The following KCNIP1 variants were observed in gnomAD, a reference collection of about 807,000 sequenced individuals.
The protein encoded by KCNIP1 is A-type potassium channel modulatory protein KCNIP1.
A neutral mutation model predicts 33.0 loss-of-function variants in KCNIP1; 18 were observed. That is an observed-to-expected ratio of 0.55 (90% confidence interval 0.38 to 0.81). KCNIP1 has a LOEUF of 0.81. Among genes scored for constraint, KCNIP1 ranks in the 30% least tolerant of loss-of-function variants. The pLI is 0.00. For synonymous variants in KCNIP1, 93 were observed against 98.3 expected (o/e 0.95, Z 0.32); for missense variants, 238 against 271.6 (o/e 0.88, Z 0.87).
chr5:170,535,852 C>T (rs1466001831), intron 1 of KCNIP1, among the ~76,000 whole-genome samples: 2 of 152,232 alleles, frequency 1.3e-5, no homozygotes, highest in Non-Finnish European at 2.9e-5. Flanking sequence ...TCTCCAAGAT[C>T]TGCAGCTCGG....
intron 1 of KCNIP1, among the ~76,000 whole-genome samples, chr5:170,572,679 T>C (rs1003822516): frequency 1.3e-5 from 2 of 152,228 alleles, no homozygotes; most frequent in African/African-American, 4.8e-5. Context: ...GAAATATTCA[T>C]TTCAGGACTC....
At chr5:170,733,782 C>T in intron 6 of KCNIP1, 54 bp from the exon 7 acceptor site, 1 of 1,440,432 alleles carries the variant, frequency 6.9e-7, no homozygotes, top group Non-Finnish European at 9.8e-7. Context: ...GGGGAGTAAG[C>T]TTTGGAATGG....
intron 1 of KCNIP1, among the ~76,000 whole-genome samples, chr5:170,457,388 A>T (rs1248990495): frequency 6.6e-6 from 1 of 152,222 alleles, no homozygotes; most frequent in Non-Finnish European, 1.5e-5. Flanking sequence ...TGCAGGAATA[A>T]ATTAGGAGAG....
intron 1 of KCNIP1, among the ~76,000 whole-genome samples, chr5:170,474,257 T>C (rs1404359682): frequency 6.6e-6 from 1 of 152,108 alleles, no homozygotes; most frequent in African/African-American, 2.4e-5. Flanking sequence ...TTCCTCCCCT[T>C]ACCCTCCAAG....
chr5:170,661,702 CTGCAATTCAACATAAAATCA>C (rs1761496672), intron 1 of KCNIP1, among the ~76,000 whole-genome samples: 1 of 152,244 alleles, frequency 6.6e-6, no homozygotes. Flanking sequence ...CTTTTCATCG[CTGCAATTCAACATAAAATCA>C]TATCATTCAC....
intron 1 of KCNIP1, among the ~76,000 whole-genome samples, chr5:170,367,678 C>A (rs1763731055): frequency 6.6e-6 from 1 of 152,196 alleles, no homozygotes; most frequent in Non-Finnish European, 1.5e-5. Context: ...TTGTTCTTTC[C>A]ATCTGTCACT....
At chr5:170,415,797 G>T (rs1299084279) in intron 1 of KCNIP1, among the ~76,000 whole-genome samples, 1 of 152,132 alleles carries the variant, frequency 6.6e-6, no homozygotes, top group Non-Finnish European at 1.5e-5. Flanking sequence ...GCACTCAATA[G>T]GTTCTCCAGT....
intron 1 of KCNIP1, among the ~76,000 whole-genome samples, chr5:170,630,717 A>T (rs1012279569): frequency 1.3e-5 from 2 of 152,248 alleles, no homozygotes; most frequent in African/African-American, 4.8e-5. Flanking sequence ...TTGTACCCCA[A>T]GGGAGCAATC....
At chr5:170,604,408 G>A (rs1012773059) in intron 1 of KCNIP1, among the ~76,000 whole-genome samples, 1 of 152,142 alleles carries the variant, frequency 6.6e-6, no homozygotes, top group African/African-American at 2.4e-5. Context: ...CTTCAAGGGC[G>A]GGGATCGGAG....
At chr5:170,468,349 G>A (rs945561150) in intron 1 of KCNIP1, among the ~76,000 whole-genome samples, 26 of 152,234 alleles carry the variant, frequency 1.7e-4, no homozygotes, top group Middle Eastern at 6.8e-3. Context: ...TAAATGAGAC[G>A]AAACATTTCT....
chr5:170,357,501 C>G (rs544624853), intron 1 of KCNIP1, among the ~76,000 whole-genome samples: 10 of 152,160 alleles, frequency 6.6e-5, no homozygotes, highest in Non-Finnish European at 1.2e-4. Flanking sequence ...TTTATGAAAG[C>G]CTATGGCCTT....
rs1973528 is a variant in KCNIP1 at position 170,687,223 on chromosome 5, C to T, written c.62-31535C>T. Among the ~76,000 whole-genome samples the T allele has an allele frequency of 4.6e-3, 701 of 151,688 alleles. 3 individuals are homozygous for T. The highest frequency in any genetic ancestry group is 7.0e-3 in the Non-Finnish European group (475 of 67,968). Reference sequence around the variant, plus strand: ...TTGAGATGGAGTCTTGCTCTGTTGCCCAGGCTAGAGTACAGTGGCATGATT... The same window carrying T: ...TTGAGATGGAGTCTTGCTCTGTTGCTCAGGCTAGAGTACAGTGGCATGATT... On this transcript the variant is annotated intron_variant, in intron 1 of 7. Transcript: ENST00000328939.
At chr5:170,587,421 C>CAAAAAAAAAAAAAAAAAAAAAAA (rs56358014) in intron 1 of KCNIP1, among the ~76,000 whole-genome samples, 10 of 70,348 alleles carry the variant, frequency 1.4e-4, no homozygotes, top group Non-Finnish European at 2.7e-4. Context: ...GACTCTGTCT[C>CAAAAAAAAAAAAAAAAAAAAAAA]AAAAAAAAAA....
intron 1 of KCNIP1, among the ~76,000 whole-genome samples, chr5:170,604,828 G>C (rs928762276): frequency 1.3e-5 from 2 of 152,238 alleles, no homozygotes; most frequent in African/African-American, 4.8e-5. Flanking sequence ...CCCCAGGAGA[G>C]GACCTGCTGG....
At chr5:170,611,859 C>T (rs974996125) in intron 1 of KCNIP1, among the ~76,000 whole-genome samples, 1 of 152,224 alleles carries the variant, frequency 6.6e-6, no homozygotes, top group Non-Finnish European at 1.5e-5. Context: ...GACAGTCTAC[C>T]ACACCTATTG....
intron 1 of KCNIP1, among the ~76,000 whole-genome samples, chr5:170,380,720 G>A (rs1764205249): frequency 6.6e-6 from 1 of 152,212 alleles, no homozygotes; most frequent in Non-Finnish European, 1.5e-5. Flanking sequence ...TGACGGTGAG[G>A]GGGCCTGGCC....
At chr5:170,729,755 C>A (rs1336112931) in intron 5 of KCNIP1, among the ~76,000 whole-genome samples, 4 of 152,050 alleles carry the variant, frequency 2.6e-5, no homozygotes, top group Admixed American at 2.6e-4. Flanking sequence ...AGTGGTTTTT[C>A]ATACATAGTT....
chr5:170,409,605 G>A (rs1203166802), intron 1 of KCNIP1, among the ~76,000 whole-genome samples: 2 of 152,186 alleles, frequency 1.3e-5, no homozygotes, highest in Non-Finnish European at 2.9e-5. Flanking sequence ...GTAGGGTTGT[G>A]TGGCTTATGG....
intron 2 of KCNIP1, 121 bp from the exon 3 acceptor site, chr5:170,720,200 G>A: frequency 1.4e-6 from 1 of 698,356 alleles, no homozygotes; most frequent in Non-Finnish European, 2.6e-6. Context: ...TGGGAGAAGT[G>A]GAAATGCACA....
Sources: gnomAD v4.1 joint callset for allele counts (sites outside exome capture counted in the v4.1 genomes callset) on GRCh38, gnomAD v4.1.1 for gene constraint, MANE v1.5 for transcripts, NCBI Gene and HGNC (gene_info 2026-07-23, HGNC 2026-07-21) for gene names.